Variants in SHISAL2A observed in about 807,000 individuals in gnomAD.
The protein encoded by SHISAL2A is protein shisa-like-2A.
In SHISAL2A, 18 loss-of-function variants were observed where a neutral mutation model predicts 11.5. The ratio of observed to expected loss-of-function variants is 1.57; its 90% CI spans 1.08 to 2.33. The LOEUF (loss-of-function observed/expected upper bound fraction) is 2.33. SHISAL2A is among the 30% of genes most tolerant of loss of function. The pLI, the probability that SHISAL2A is intolerant of heterozygous loss-of-function variation, is 0.00. For synonymous variants in SHISAL2A, 94 were observed against 99.6 expected (o/e 0.94, Z 0.34); for missense variants, 261 against 250.9 (o/e 1.04, Z -0.27).
At chr1:52,638,557 G>A (rs1691289020) in intron 1 of SHISAL2A, among the ~76,000 whole-genome samples, 2 of 152,220 alleles carry the variant, frequency 1.3e-5, no homozygotes, top group Non-Finnish European at 2.9e-5. Context: ...ACTCTGAGAT[G>A]AGGATTTGAT....
downstream of SHISAL2A, among the ~76,000 whole-genome samples, chr1:52,661,422 G>T (rs926288136): frequency 8.5e-5 from 13 of 152,170 alleles, no homozygotes; most frequent in African/African-American, 1.4e-4. Flanking sequence ...CTCCGGTCAG[G>T]GGGAGGCCAT....
chr1:52,644,622 G>C (rs1691452331), intron 2 of SHISAL2A, among the ~76,000 whole-genome samples: 1 of 152,208 alleles, frequency 6.6e-6, no homozygotes, highest in Non-Finnish European at 1.5e-5. Context: ...TACTCGGGAG[G>C]CTGAGGCAGG....
Position 52,642,909 on chromosome 1 carries a change from G to A in SHISAL2A, c.229G>A (p.Ala77Thr), listed in dbSNP as rs1553251896. 6.2e-6 allele frequency: 10 copies of A among 1,613,826 alleles called. No homozygotes were observed. The highest frequency in any genetic ancestry group is 1.7e-4 in the Middle Eastern group (1 of 5,934). ...GTCCGTAGCAGCAGTGGTTCTTCTC[G>A]CCTTCATTGTTACCGCCTGTGTGCT... ...GLSVAAVVLL[A>T]FIVTACVLCY... The change falls in exon 2 of 3, where the codon GCC (alanine) becomes ACC (threonine). Residue 77 changes from alanine to threonine, a missense_variant. Transcript: ENST00000517870.
intron 2 of SHISAL2A, among the ~76,000 whole-genome samples, chr1:52,644,317 CAT>C (rs1172272547): frequency 6.6e-6 from 1 of 152,166 alleles, no homozygotes. Flanking sequence ...GTAGTGGGTA[CAT>C]GTGTGTGGAC....
At chr1:52,640,741 G>C (rs890687705) in intron 1 of SHISAL2A, among the ~76,000 whole-genome samples, 2 of 152,118 alleles carry the variant, frequency 1.3e-5, no homozygotes, top group African/African-American at 4.8e-5. Context: ...TCTGAACCCC[G>C]AGTTCCTGAC....
At chr1:52,664,236 G>GCGC (rs1397557434) in intron 4 of SHISAL2A, among the ~76,000 whole-genome samples, 1 of 151,152 alleles carries the variant, frequency 6.6e-6, no homozygotes, top group Non-Finnish European at 1.5e-5. Context: ...TGTCGCCCAG[G>GCGC]CTGGAGTGCA....
At chr1:52,635,065 T>G (rs1558083630) in intron 1 of SHISAL2A, among the ~76,000 whole-genome samples, 1 of 152,234 alleles carries the variant, frequency 6.6e-6, no homozygotes, top group Non-Finnish European at 1.5e-5. Flanking sequence ...TAATGTATTT[T>G]CTGTTCATCC....
At chr1:52,669,422 T>A (rs1007803817) in exon 6 of SHISAL2A, 1 of 151,812 alleles carries the variant, frequency 6.6e-6, no homozygotes, top group Non-Finnish European at 1.5e-5. Context: ...TCCCAGCACT[T>A]TGGGAGGCCG....
At chr1:52,634,065 G>A (rs564372363) in intron 1 of SHISAL2A, among the ~76,000 whole-genome samples, 1 of 151,952 alleles carries the variant, frequency 6.6e-6, no homozygotes, top group Admixed American at 6.5e-5. Context: ...CCACCAAGGT[G>A]CCCTTCCTAA....
At chr1:52,649,772 A>C (rs1691585702) in intron 2 of SHISAL2A, among the ~76,000 whole-genome samples, 1 of 152,202 alleles carries the variant, frequency 6.6e-6, no homozygotes, top group Non-Finnish European at 1.5e-5. Context: ...CAGTGAGGTG[A>C]GTGTAGAGGT....
chr1:52,634,515 A>C lies in SHISAL2A; in HGVS notation c.182+840A>C, dbSNP rs148176806. The stretch of plus-strand genomic sequence containing the variant: ...TCAGGCCATATTCATAGAAGTGTTG[A>C]CTCTCCACCCATAGGACCTCAGTTT... On this transcript the variant is annotated intron_variant, in intron 1 of 2. Transcript: ENST00000517870. Among the ~76,000 whole-genome samples, 78 of 152,070 alleles carry C rather than the reference A, an allele frequency of 5.1e-4. 1 individual carries two copies. The highest frequency in any genetic ancestry group is 9.8e-4 in the Admixed American group (15 of 15,280).
chr1:52,650,220 C>CA (rs887079447), intron 2 of SHISAL2A, among the ~76,000 whole-genome samples: 1 of 152,174 alleles, frequency 6.6e-6, no homozygotes, highest in African/African-American at 2.4e-5. Flanking sequence ...TTGACTCCTC[C>CA]AAGCAGGGGG....
intron 1 of SHISAL2A, among the ~76,000 whole-genome samples, chr1:52,636,009 T>G (rs2149872155): frequency 6.6e-6 from 1 of 152,234 alleles, no homozygotes; most frequent in East Asian, 1.9e-4. Flanking sequence ...AGTGAAACAA[T>G]GAAGTTTTGT....
chr1:52,649,292 T>C (rs1459669549), intron 2 of SHISAL2A, among the ~76,000 whole-genome samples: 2 of 152,180 alleles, frequency 1.3e-5, no homozygotes, highest in Non-Finnish European at 2.9e-5. Context: ...CCCCATTTTA[T>C]AGCAGAGGAA....
At chr1:52,657,207 G>A, downstream of SHISAL2A, 1 of 926,322 alleles carries the variant, frequency 1.1e-6, no homozygotes, top group Non-Finnish European at 1.6e-6. Flanking sequence ...CCTATTGTGG[G>A]CCAAAGAACT....
At chr1:52,639,480 G>A (rs568162412) in intron 1 of SHISAL2A, among the ~76,000 whole-genome samples, 50 of 152,244 alleles carry the variant, frequency 3.3e-4, no homozygotes, top group African/African-American at 9.4e-4. Flanking sequence ...TAGGCTGGGC[G>A]TGGTAGCTTA....
chr1:52,632,898 C>G (rs1435696011), upstream of SHISAL2A, among the ~76,000 whole-genome samples: 1 of 152,200 alleles, frequency 6.6e-6, no homozygotes, highest in East Asian at 1.9e-4. Context: ...GCGAACATCC[C>G]CGGGCCCCTG....
chr1:52,657,076 G>A (rs1691807901), downstream of SHISAL2A: 1 of 1,540,308 alleles, frequency 6.5e-7, no homozygotes, highest in African/African-American at 1.4e-5. Context: ...TCCCCTTCTG[G>A]AGTCTCTTCA....
chr1:52,652,617 A>G lies in SHISAL2A; in HGVS notation c.323-4173A>G, dbSNP rs564343510. 8.5e-5 allele frequency among the ~76,000 whole-genome samples: 13 copies of G among 152,272 alleles called. No individual in the cohort carries two copies. The South Asian group carries it at 2.7e-3, about 32-fold the overall frequency. ...GGAATGCCTTAAAATGAAAGCTTAA[A>G]TAACAAAGAATCCCAAGGAGTCTAT... On this transcript the variant is annotated intron_variant, in intron 2 of 2. Transcript: ENST00000517870.
Sources: gnomAD v4.1 joint callset for allele counts (sites outside exome capture counted in the v4.1 genomes callset) on GRCh38, gnomAD v4.1.1 for gene constraint, MANE v1.5 for transcripts, NCBI Gene and HGNC (gene_info 2026-07-23, HGNC 2026-07-21) for gene names.